The following GLDC variants were observed in gnomAD, a reference collection of about 807,000 sequenced individuals.
GLDC encodes glycine decarboxylase, also known as glycine dehydrogenase (decarboxylating), mitochondrial.
In GLDC, 104 loss-of-function variants were observed where a neutral mutation model predicts 121.3. That is an observed-to-expected ratio of 0.86 (90% CI 0.73 to 1.01). The LOEUF (loss-of-function observed/expected upper bound fraction) is 1.01, where lower values mean the gene tolerates loss of function less well. GLDC is among the 50% of genes least tolerant of loss of function. GLDC has a pLI of 0.00. For synonymous variants in GLDC, 546 were observed against 480.6 expected (o/e 1.14, Z -1.78); for missense variants, 1,429 against 1,306.6 (o/e 1.09, Z -1.44).
chr9:6,582,625 C>A (rs1194497829), intron 15 of GLDC, among the ~76,000 whole-genome samples: 2 of 151,720 alleles, frequency 1.3e-5, no homozygotes, highest in African/African-American at 4.8e-5. Context: ...GTCAGGAGAT[C>A]GAGACCATCC....
Position 6,532,785 on chromosome 9 carries a change from C to G in GLDC, c.*232G>C, listed in dbSNP as rs1157583880. On this transcript the variant is annotated 3_prime_UTR_variant, in exon 25 of 25. Coordinates refer to ENST00000321612, the MANE Select transcript of GLDC (RefSeq NM_000170.3). ...CGCAAAACACAAAATGGCTCCCAAT[C>G]CAGGCAACTGGCACATGTGGAAGCA... 7 of 531,898 alleles carry G rather than the reference C, an allele frequency of 1.3e-5. No homozygotes were observed. In the African/African-American group the frequency reaches 1.3e-4, roughly 10 times the overall value. The allele number at this position is 531,898 out of a possible 1,614,324, so 32.9% of individuals were successfully genotyped here.
chr9:6,643,016 G>C (rs902825853), intron 2 of GLDC, among the ~76,000 whole-genome samples: 7 of 151,894 alleles, frequency 4.6e-5, no homozygotes, highest in African/African-American at 1.7e-4. Context: ...TGCCACATTA[G>C]CCTCCGGAGT....
At position 6,588,616 on chromosome 9, in the gene GLDC, A is replaced by G. The variant is rs1818315923; in HGVS notation, c.1665+2T>C. On this transcript the variant is annotated splice_donor_variant, in intron 13 of 24. Coordinates refer to ENST00000321612, the MANE Select transcript of GLDC (RefSeq NM_000170.3). LOFTEE classifies it high-confidence loss of function. ...ATGAGAAAAAAGGCCACAAATAACT[A>G]CCAGTGGAATCATGCTGTGAACAAG... 1 of 1,600,920 alleles carries G rather than the reference A, an allele frequency of 6.2e-7. No homozygotes were observed. Among genetic ancestry groups the G allele is most frequent in the Non-Finnish European group, 8.6e-7 (1 of 1,168,186 alleles).
At chr9:6,610,383 C>T (rs761094838) in intron 3 of GLDC, 27 bp from the exon 4 acceptor site, 1 of 1,611,278 alleles carries the variant, frequency 6.2e-7, no homozygotes, top group South Asian at 1.1e-5. Context: ...AGGTCTTGTC[C>T]AAACTGACTG....
intron 15 of GLDC, among the ~76,000 whole-genome samples, chr9:6,577,732 ATC>A (rs376798376): frequency 5.9e-5 from 9 of 151,962 alleles, no homozygotes; most frequent in African/African-American, 2.2e-4. Flanking sequence ...CGCAGCTAAC[ATC>A]TGTTGTACTA....
chr9:6,587,352 A>G, intron 14 of GLDC, 69 bp from the exon 15 acceptor site: 1 of 1,168,976 alleles, frequency 8.6e-7, no homozygotes, highest in Non-Finnish European at 1.3e-6. Context: ...AACTTTAATA[A>G]TAATGACGAT....
At chr9:6,556,843 C>G (rs779458845) in intron 17 of GLDC, among the ~76,000 whole-genome samples, 37 of 151,992 alleles carry the variant, frequency 2.4e-4, no homozygotes, top group Non-Finnish European at 4.7e-4. Flanking sequence ...TCCTTTCAGG[C>G]TAGGTCTCTA....
At chr9:6,565,859 G>A in intron 15 of GLDC, 1 of 321,616 alleles carries the variant, frequency 3.1e-6, no homozygotes, top group Non-Finnish European at 5.8e-6. Context: ...CTTTCATGCT[G>A]AACTATATAT....
chr9:6,536,109 A>T lies in GLDC; in HGVS notation c.2793T>A (p.Ala931=), dbSNP rs367759326. The change falls in exon 23 of 25, where the codon GCT becomes GCA. Residue 931 remains alanine (A), a synonymous_variant. Transcript: ENST00000321612. ...GGTCGATGCGGCCCTCCTCAATGTC[A>T]GCAATTTCCTGCCGAATGCTGATCA... The part of the protein sequence containing the change: ...DAMISIRQEI[A]DIEEGRIDPR... The T allele has an allele frequency of 9.9e-6, 16 of 1,614,032 alleles. No individual in the cohort carries two copies. Among genetic ancestry groups the T allele is most frequent in the Middle Eastern group, 1.6e-4 (1 of 6,072 alleles).
At chr9:6,613,968 G>A (rs1210313502) in intron 3 of GLDC, among the ~76,000 whole-genome samples, 1 of 152,020 alleles carries the variant, frequency 6.6e-6, no homozygotes, top group Non-Finnish European at 1.5e-5. Flanking sequence ...GTTGAGATAG[G>A]GTTTCACCAT....
At chr9:6,628,718 G>A (rs1426708111) in intron 2 of GLDC, among the ~76,000 whole-genome samples, 1 of 152,216 alleles carries the variant, frequency 6.6e-6, no homozygotes, top group Admixed American at 6.5e-5. Context: ...TCCCACCTGG[G>A]TGACAGAGTG....
At chr9:6,635,986 A>C (rs979060577) in intron 2 of GLDC, among the ~76,000 whole-genome samples, 1 of 152,216 alleles carries the variant, frequency 6.6e-6, no homozygotes, top group Non-Finnish European at 1.5e-5. Context: ...CAACACCAAG[A>C]CTGAATCCTA....
intron 2 of GLDC, among the ~76,000 whole-genome samples, chr9:6,644,119 A>C (rs993852640): frequency 9.2e-5 from 14 of 151,530 alleles, no homozygotes; most frequent in African/African-American, 3.4e-4. Flanking sequence ...TCAGTTGGTA[A>C]ATAATAAAAT....
At chr9:6,629,593 G>A (rs985513839) in intron 2 of GLDC, among the ~76,000 whole-genome samples, 3 of 138,148 alleles carry the variant, frequency 2.2e-5, no homozygotes, top group African/African-American at 8.7e-5. Flanking sequence ...TATGAGTCAA[G>A]ATACCTGCTA....
intron 2 of GLDC, among the ~76,000 whole-genome samples, chr9:6,643,987 T>A (rs1422274622): frequency 9.2e-6 from 1 of 108,854 alleles, no homozygotes. Flanking sequence ...TGAGCCGAGA[T>A]CAAGCCACAG....
intron 9 of GLDC, among the ~76,000 whole-genome samples, chr9:6,593,288 A>ATATATATATATATATATATAT (rs1466793435): frequency 7.1e-6 from 1 of 139,954 alleles, no homozygotes; most frequent in African/African-American, 2.8e-5. Context: ...TATATATATA[A>ATATATATATATATATATATAT]AATTATACCT....
At chr9:6,554,832 C>T in intron 18 of GLDC, 51 bp from the exon 19 acceptor site, 2 of 1,398,848 alleles carry the variant, frequency 1.4e-6, no homozygotes, top group Non-Finnish European at 2.0e-6. Context: ...TGGAAGCACC[C>T]TCCAGTGTGA....
chr9:6,600,817 G>GCAGAACCCAGAACCCTGGT, intron 8 of GLDC, among the ~76,000 whole-genome samples: 1 of 152,196 alleles, frequency 6.6e-6, no homozygotes, highest in Non-Finnish European at 1.5e-5. Flanking sequence ...ACTTCAAGGA[G>GCAGAACCCAGAACCCTGGT]CAGAACCCAG....
intron 2 of GLDC, among the ~76,000 whole-genome samples, chr9:6,640,604 C>A (rs867193401): frequency 2.6e-5 from 4 of 152,344 alleles, no homozygotes; most frequent in Non-Finnish European, 4.4e-5. Flanking sequence ...CTCCTCAGTT[C>A]TAGTTGAATA....
Sources: gnomAD v4.1 joint callset for allele counts (sites outside exome capture counted in the v4.1 genomes callset) on GRCh38, gnomAD v4.1.1 for gene constraint, MANE v1.5 for transcripts, NCBI Gene and HGNC (gene_info 2026-07-23, HGNC 2026-07-21) for gene names.